The following DPP10 variants were observed in gnomAD, a reference collection of about 807,000 sequenced individuals.
DPP10 encodes the protein dipeptidyl peptidase like 10.
A neutral mutation model predicts 120.9 loss-of-function variants in DPP10; 33 were observed. The observed-to-expected ratio is 0.27, with a 90% CI of 0.21 to 0.37. DPP10 has a LOEUF of 0.37. Ranked by LOEUF, DPP10 falls within the 10% of genes least tolerant of loss-of-function variation. The pLI, the probability that DPP10 is intolerant of heterozygous loss-of-function variation, is 1.00. For missense variants in DPP10, 816 were observed against 942.8 expected (o/e 0.87, Z 1.76); for synonymous variants, 337 against 326.1 (o/e 1.03, Z -0.36).
chr2:115,486,012 G>A (rs988453313), intron 3 of DPP10, among the ~76,000 whole-genome samples: 1 of 152,000 alleles, frequency 6.6e-6, no homozygotes, highest in African/African-American at 2.4e-5. Context: ...ACCTTGATAT[G>A]TTCATGATTG....
At chr2:115,201,007 T>A (rs1004610112) in intron 1 of DPP10, among the ~76,000 whole-genome samples, 6 of 152,180 alleles carry the variant, frequency 3.9e-5, no homozygotes, top group African/African-American at 1.4e-4. Flanking sequence ...TGTTCCTCAA[T>A]TCATAGCAAT....
intron 12 of DPP10, among the ~76,000 whole-genome samples, chr2:115,764,249 TACTG>T (rs1322733295): frequency 1.3e-5 from 2 of 152,112 alleles, no homozygotes; most frequent in East Asian, 3.9e-4. Flanking sequence ...AATAGATACT[TACTG>T]AGTGATTAAG....
intron 3 of DPP10, among the ~76,000 whole-genome samples, chr2:115,430,531 A>G (rs2070877871): frequency 1.3e-5 from 2 of 152,142 alleles, no homozygotes; most frequent in Non-Finnish European, 2.9e-5. Context: ...AAAGTATTCA[A>G]GTATTTGTGG....
chr2:114,474,775 C>T (rs757216304), intron 1 of DPP10, among the ~76,000 whole-genome samples: 54 of 152,272 alleles, frequency 3.5e-4, no homozygotes, highest in Non-Finnish European at 6.6e-4. Context: ...GCTTTGTCCT[C>T]CACTTATAAG....
chr2:114,528,580 C>T (rs1172392900), intron 1 of DPP10, among the ~76,000 whole-genome samples: 1 of 151,584 alleles, frequency 6.6e-6, no homozygotes, highest in South Asian at 2.1e-4. Context: ...TTGGTTATGA[C>T]CAGTGGCTAC....
chr2:114,676,820 T>C (rs1305142036), intron 1 of DPP10, among the ~76,000 whole-genome samples: 2 of 152,102 alleles, frequency 1.3e-5, no homozygotes, highest in Admixed American at 6.6e-5. Context: ...TCGTGTAGGA[T>C]AGATTCTTCT....
At chr2:114,545,983 A>G (rs953489799) in intron 1 of DPP10, among the ~76,000 whole-genome samples, 6 of 152,020 alleles carry the variant, frequency 3.9e-5, no homozygotes, top group African/African-American at 1.5e-4. Flanking sequence ...CCTGGTTTAT[A>G]TACTCATATT....
intron 1 of DPP10, among the ~76,000 whole-genome samples, chr2:115,116,478 T>A (rs1407425273): frequency 6.6e-6 from 1 of 152,170 alleles, no homozygotes; most frequent in Non-Finnish European, 1.5e-5. Context: ...AATAAATAGG[T>A]CTGCCATGAT....
intron 1 of DPP10, among the ~76,000 whole-genome samples, chr2:114,691,276 G>C (rs933522849): frequency 2.0e-5 from 3 of 151,980 alleles, no homozygotes; most frequent in African/African-American, 4.8e-5. Context: ...AAACATAAAG[G>C]GATGTTGAAT....
chr2:115,834,825 G>A, intron 21 of DPP10, among the ~76,000 whole-genome samples: 1 of 152,072 alleles, frequency 6.6e-6, no homozygotes, highest in East Asian at 1.9e-4. Context: ...GGTGGCTCAC[G>A]CCTGTAATCC....
At chr2:114,641,143 C>A (rs35772672) in intron 1 of DPP10, among the ~76,000 whole-genome samples, 2 of 151,926 alleles carry the variant, frequency 1.3e-5, no homozygotes, top group Non-Finnish European at 1.5e-5. Flanking sequence ...AACAATAAAA[C>A]GGTGGCTCAG....
intron 3 of DPP10, among the ~76,000 whole-genome samples, chr2:115,467,393 A>T (rs1054119655): frequency 6.6e-6 from 1 of 151,990 alleles, no homozygotes; most frequent in Non-Finnish European, 1.5e-5. Context: ...CCTGGCCAAT[A>T]TGGTGAAACC....
chr2:115,796,711 A>C (rs181898016), intron 19 of DPP10, among the ~76,000 whole-genome samples: 1 of 152,128 alleles, frequency 6.6e-6, no homozygotes, highest in East Asian at 1.9e-4. Flanking sequence ...TAAGATAATA[A>C]GAATTGATAT....
intron 1 of DPP10, among the ~76,000 whole-genome samples, chr2:114,532,055 G>A (rs1371562796): frequency 2.0e-5 from 3 of 151,630 alleles, no homozygotes; most frequent in African/African-American, 7.3e-5. Flanking sequence ...ATCTTCTCCT[G>A]CCTGTAGACG....
chr2:114,934,720 A>G (rs939976637), intron 1 of DPP10, among the ~76,000 whole-genome samples: 6 of 152,178 alleles, frequency 3.9e-5, no homozygotes, highest in Non-Finnish European at 7.4e-5. Flanking sequence ...GATGCCATAT[A>G]TACAAGATGG....
intron 1 of DPP10, among the ~76,000 whole-genome samples, chr2:115,113,553 G>A (rs181763248): frequency 4.1e-4 from 62 of 152,202 alleles, no homozygotes; most frequent in Non-Finnish European, 7.6e-4. Context: ...CTAGCGTGCA[G>A]ATTGAGTATG....
chr2:115,118,157 T>A (rs1406830367), intron 1 of DPP10, among the ~76,000 whole-genome samples: 1 of 152,190 alleles, frequency 6.6e-6, no homozygotes, highest in African/African-American at 2.4e-5. Flanking sequence ...GATCCCTTTC[T>A]CTCCCTTACC....
chr2:115,803,933 A>G (rs1375631070), intron 19 of DPP10, among the ~76,000 whole-genome samples: 2 of 152,056 alleles, frequency 1.3e-5, no homozygotes, highest in African/African-American at 4.8e-5. Flanking sequence ...CTCGAGCAGT[A>G]TCTTTGTGGC....
Position 115,154,297 on chromosome 2 carries a change from T to C in DPP10, c.61-154942T>C, listed in dbSNP as rs564947847. On this transcript the variant is annotated intron_variant, in intron 1 of 25. Transcript: ENST00000410059. ...ATTCTCTCCAAATTCTCCTGTGAGC[T>C]CTCCACACTGGAAGCTTGGTACTTC... Among the ~76,000 whole-genome samples, 41 of 152,338 alleles carry C rather than the reference T, an allele frequency of 2.7e-4. No homozygotes were observed. The South Asian group carries it at 8.5e-3, about 32-fold the overall frequency.
Sources: gnomAD v4.1 joint callset for allele counts (sites outside exome capture counted in the v4.1 genomes callset) on GRCh38, gnomAD v4.1.1 for gene constraint, MANE v1.5 for transcripts, NCBI Gene and HGNC (gene_info 2026-07-23, HGNC 2026-07-21) for gene names.